The following KRT6C variants were observed in gnomAD, a reference collection of about 807,000 sequenced individuals.
KRT6C encodes keratin, type II cytoskeletal 6C.
KRT6C carries 46 observed loss-of-function variants against 49.4 expected under a neutral mutation model. The ratio of observed to expected loss-of-function variants is 0.93; its 90% CI spans 0.74 to 1.19. KRT6C has a LOEUF of 1.19. Among genes scored for constraint, KRT6C ranks in the 50% most tolerant of loss-of-function variants. The pLI is 0.00. For synonymous variants in KRT6C, 236 were observed against 297.1 expected (o/e 0.79, Z 2.12); for missense variants, 552 against 737.5 (o/e 0.75, Z 2.91).
intron 5 of KRT6C, 78 bp downstream of exon 5, chr12:52,471,054 C>G: frequency 6.2e-7 from 1 of 1,612,362 alleles, no homozygotes; most frequent in Non-Finnish European, 8.5e-7. Context: ...CAGGGGATGT[C>G]CCCAGTGAAG....
Position 52,470,514 on chromosome 12 carries a change from G to C in KRT6C, c.1194C>G (p.Val398=), listed in dbSNP as rs1441809132. 4 of 1,614,096 alleles carry C rather than the reference G, an allele frequency of 2.5e-6. No individual in the cohort carries two copies. Among genetic ancestry groups the C allele is most frequent in the Non-Finnish European group, 3.4e-6 (4 of 1,180,026 alleles). Residue 398 remains valine (V), a synonymous_variant, in exon 6 of 9, where the codon GTC becomes GTG. Coordinates refer to ENST00000252250, the MANE Select transcript of KRT6C (RefSeq NM_173086.5). ...CTGCACCTCACTGTACCTGCTTCTT[G>C]ACATGGTCGATCTCAGATCTCAGCC... ...IQRLRSEIDH[V]KKQCASLQAA...
At position 52,472,274 on chromosome 12, in the gene KRT6C, A is replaced by G. The variant is rs747804312; in HGVS notation, c.547T>C (p.Phe183Leu). The change falls in exon 2 of 9, where the codon TTC (phenylalanine) becomes CTC (leucine). Residue 183 changes from phenylalanine (F) to leucine (L), a missense_variant. Around this residue, in one of 3 missense-constraint regions of KRT6C, gnomAD observed 54 missense variants for 195.9 expected, o/e 0.28. Coordinates refer to ENST00000252250, the MANE Select transcript of KRT6C (RefSeq NM_173086.5). ...AGAACCTTGTTCTGCTGCTCTAGGAACCGCACCTGGAAGGGAAGCAAGATG... is the reference window on the plus strand; with the variant it reads ...AGAACCTTGTTCTGCTGCTCTAGGAGCCGCACCTGGAAGGGAAGCAAGATG... Reference protein sequence around the residue: ...KFASFIDKVRFLEQQNKVLDT... With the variant: ...KFASFIDKVRLLEQQNKVLDT... The G allele has an allele frequency of 7.1e-7, 1 of 1,411,060 alleles. No individual in the cohort carries two copies. The allele number at this position is 1,411,060 out of a possible 1,614,324, so 87.4% of individuals were successfully genotyped here. A position where few individuals can be genotyped will look rare whatever the true frequency, so the allele number is the denominator to read the frequency against.
Position 52,471,402 on chromosome 12 carries a change from G to A in KRT6C, c.912+19C>T, listed in dbSNP as rs1361692767. ...GCAGACCCCATCAGAGTAAACAGAA[G>A]GATGGTGGAGATGCTTACTGCATCA... is the stretch of plus-strand genomic sequence containing the variant. On this transcript the variant is annotated intron_variant, in intron 4 of 8. Transcript: ENST00000252250. The A allele has an allele frequency of 1.2e-6, 2 of 1,614,002 alleles. No individual in the cohort carries two copies. Among genetic ancestry groups the A allele is most frequent in the South Asian group, 1.1e-5 (1 of 91,060 alleles).
At position 52,471,612 on chromosome 12, in the gene KRT6C, G is replaced by A. The variant is rs1441457601; in HGVS notation, c.816+60C>T. ...TGCCAATTCTCTCCCAGGGGAGCGA[G>A]GACACAGAGCCACTTCTCTCCTTCT... On this transcript the variant is annotated intron_variant, in intron 3 of 8. Coordinates refer to ENST00000252250, the MANE Select transcript of KRT6C (RefSeq NM_173086.5). 29 of 1,520,120 alleles carry A rather than the reference G, an allele frequency of 1.9e-5. No individual in the cohort carries two copies. The Middle Eastern group carries it at 8.8e-4, about 46-fold the overall frequency. 94.2% of individuals were successfully genotyped at this position (1,520,120 alleles called of 1,614,324 possible).
chr12:52,473,733 G>A lies in KRT6C; in HGVS notation c.5C>T (p.Ala2Val), dbSNP rs1937936651. 1.2e-6 allele frequency: 2 copies of A among 1,614,076 alleles called. No homozygotes were observed. Among genetic ancestry groups the A allele is most frequent in the Non-Finnish European group, 8.5e-7 (1 of 1,180,044 alleles). Residue 2 changes from alanine to valine, a missense_variant, in exon 1 of 9, where the codon GCC (alanine) becomes GTC (valine). Physicochemically the swap from Ala to Val is moderately conservative, Grantham distance 64. This residue lies in a region of KRT6C where 73 missense variants were observed against 102.1 expected (regional missense o/e 0.71). Coordinates refer to ENST00000252250, the MANE Select transcript of KRT6C (RefSeq NM_173086.5). M[A>V]STSTTIRSHS... is the part of the protein sequence containing the mutation. ...GCTCCTGATGGTGGTGGATGTGCTG[G>A]CCATGGTTCCAGGAGATGAGAGGGC...
chr12:52,469,531 G>A, intron 7 of KRT6C, 86 bp from the exon 8 acceptor site: 6 of 1,613,018 alleles, frequency 3.7e-6, no homozygotes, highest in Non-Finnish European at 5.1e-6. Context: ...GGGTGGAAGA[G>A]TCCATGGGAA....
chr12:52,469,976 C>G, intron 6 of KRT6C, 86 bp from the exon 7 acceptor site: 2 of 1,453,022 alleles, frequency 1.4e-6, no homozygotes, highest in Non-Finnish European at 1.9e-6. Flanking sequence ...GGTCCTGTAA[C>G]CCAAAATTGA....
rs541854809 is a variant in KRT6C at position 52,473,620 on chromosome 12, G to C, written c.118C>G (p.Arg40Gly). Residue 40 changes from arginine to glycine, a missense_variant, in exon 1 of 9, where the codon CGC (arginine) becomes GGC (glycine). Transcript: ENST00000252250. ...CCCAGGCCACCACTGCCCCTGGAGC[G>C]GGACACGGAGATGCTGCTGAAGCCA... is the stretch of plus-strand genomic sequence containing the variant. ...RSGFSSISVSRSRGSGGLGGA... is the reference protein window; with the variant it reads ...RSGFSSISVSGSRGSGGLGGA... 6.2e-7 allele frequency: 1 copy of C among 1,609,824 alleles called. No homozygotes were observed. The highest frequency in any genetic ancestry group is 1.1e-5 in the South Asian group (1 of 90,844).
Position 52,472,362 on chromosome 12 carries a change from G to C in KRT6C, c.541-82C>G, listed in dbSNP as rs1937903652. On this transcript the variant is annotated intron_variant, in intron 1 of 8. Coordinates refer to ENST00000252250, the MANE Select transcript of KRT6C (RefSeq NM_173086.5). Reference sequence around the variant, plus strand: ...GGTATCCAGTTTCCTGGCAGGTCTTGGAGGTCCCCATGGTGCTGGGCTACT... The same window carrying C: ...GGTATCCAGTTTCCTGGCAGGTCTTCGAGGTCCCCATGGTGCTGGGCTACT... 68 of 1,214,154 alleles carry C rather than the reference G, an allele frequency of 5.6e-5. 18 individuals carry two copies. The highest frequency in any genetic ancestry group is 7.6e-5 in the Non-Finnish European group (65 of 853,162). 75.2% of individuals were successfully genotyped at this position (1,214,154 alleles called of 1,614,324 possible).
rs1296364605 is a variant in KRT6C, at chr12:52,471,012, G to A, written c.1077+120C>T. ...AATGTCTACTCTAATAGTGCAGAGT[G>A]CATGTCCTGTGAGAGGACCCCAGCT... On this transcript the variant is annotated intron_variant, in intron 5 of 8. Transcript: ENST00000252250. 4 of 1,505,976 alleles carry A rather than the reference G, an allele frequency of 2.7e-6. No individual in the cohort carries two copies. The East Asian group carries it at 6.8e-5, about 25-fold the overall frequency. The allele number at this position is 1,505,976 out of a possible 1,614,324, so 93.3% of individuals were successfully genotyped here. A position where few individuals can be genotyped will look rare whatever the true frequency, so the allele number is the denominator to read the frequency against.
At position 52,468,969 on chromosome 12, in the gene KRT6C, T is replaced by C; in HGVS notation, c.*93A>G. ...CTCTACCTCGGAGAGCAGGGAAGAC[T>C]AGAGGCCAGGAGAGGATAGGCAACC... On this transcript the variant is annotated 3_prime_UTR_variant, in exon 9 of 9. Coordinates refer to ENST00000252250, the MANE Select transcript of KRT6C (RefSeq NM_173086.5). 1 of 1,530,944 alleles carries C rather than the reference T, an allele frequency of 6.5e-7. No homozygotes were observed. The highest frequency in any genetic ancestry group is 9.0e-7 in the Non-Finnish European group (1 of 1,110,904). 94.8% of individuals were successfully genotyped at this position (1,530,944 alleles called of 1,614,324 possible). A position where few individuals can be genotyped will look rare whatever the true frequency, so the allele number is the denominator to read the frequency against.
At chr12:52,470,289 T>C (rs1415416757) in intron 6 of KRT6C, 3 of 772,026 alleles carry the variant, frequency 3.9e-6, no homozygotes, top group Non-Finnish European at 6.3e-6. Context: ...ACTTTTTACC[T>C]GACTGTTGAG....
In KRT6C at chr12:52,472,104, C is replaced by G. The variant is rs879239943; in HGVS notation, c.717G>C (p.Leu239=). ...CCTCCACCAGGTCCTGCATGTTTCT[C>G]AGCTCCGAGTCCAGGCGGCCCCGTT... ...VGERGRLDSE[L]RNMQDLVEDL... Residue 239 remains leucine, a synonymous_variant, in exon 2 of 9, where the codon CTG becomes CTC. Transcript: ENST00000252250. 2.5e-6 allele frequency: 4 copies of G among 1,599,502 alleles called. No individual in the cohort carries two copies. Among genetic ancestry groups the G allele is most frequent in the Non-Finnish European group, 3.4e-6 (4 of 1,174,538 alleles).
intron 1 of KRT6C, 53 bp downstream of exon 1, chr12:52,473,145 C>A: frequency 7.2e-7 from 1 of 1,382,786 alleles, no homozygotes; most frequent in Non-Finnish European, 1.0e-6. Context: ...AGGTGTTGCT[C>A]TTCTGGTCTG....
At chr12:52,470,181 G>A (rs1295012216) in intron 6 of KRT6C, 2 of 600,202 alleles carry the variant, frequency 3.3e-6, no homozygotes, top group East Asian at 2.9e-5. Flanking sequence ...GGTTTGTACT[G>A]AGTGCTGTTT....
In KRT6C at chr12:52,470,602, C is replaced by G; in HGVS notation, c.1106G>C (p.Arg369Thr). 1.2e-6 allele frequency: 2 copies of G among 1,614,064 alleles called. No individual in the cohort carries two copies. The highest frequency in any genetic ancestry group is 1.7e-6 in the Non-Finnish European group (2 of 1,180,014). Reference sequence around the variant, plus strand: ...GGTGTTGCGCAGGTCGTCCCCATGTCTGCCTGCTGTGACCTGCAGCTCCTC... The same window carrying G: ...GGTGTTGCGCAGGTCGTCCCCATGTGTGCCTGCTGTGACCTGCAGCTCCTC... ...KYEELQVTAG[R>T]HGDDLRNTKQ... is the part of the protein sequence containing the mutation. Residue 369 changes from arginine (R) to threonine (T), a missense_variant, in exon 6 of 9, where the codon AGA becomes ACA. Arg to Thr is a moderately conservative substitution (Grantham distance 71). Coordinates refer to ENST00000252250, the MANE Select transcript of KRT6C (RefSeq NM_173086.5).
chr12:52,469,024 G>C lies in KRT6C; in HGVS notation c.*38C>G, dbSNP rs1451981490. ...GAGACGGCTCTGCAGCCAGAGAAGG[G>C]CCTGAGGACTGTGGGACCGAGAGCT... On this transcript the variant is annotated 3_prime_UTR_variant, in exon 9 of 9. Transcript: ENST00000252250. The C allele has an allele frequency of 6.2e-7, 1 of 1,613,482 alleles. No individual in the cohort carries two copies. The highest frequency in any genetic ancestry group is 1.3e-5 in the African/African-American group (1 of 74,922).
At position 52,469,164 on chromosome 12, in the gene KRT6C, A is replaced by G. The variant is rs1216444570; in HGVS notation, c.1593T>C (p.Ser531=). ...LGIGGGFSSS[S]GRAIGGGLSS... ...TGAGGCCACCCCCAATGGCTCTGCC[A>G]CTGCTGGAACTGAAGCCACCTCCAA... The change falls in exon 9 of 9, where the codon AGT becomes AGC. Residue 531 remains serine, a synonymous_variant. Transcript: ENST00000252250. 6.8e-6 allele frequency: 11 copies of G among 1,613,978 alleles called. No individual in the cohort carries two copies. The highest frequency in any genetic ancestry group is 9.3e-6 in the Non-Finnish European group (11 of 1,179,872).
chr12:52,469,415 G>A lies in KRT6C; in HGVS notation c.1455C>T (p.Asn485=), dbSNP rs375986162. The stretch of plus-strand genomic sequence containing the variant: ...AAGGCAAGCAAAGGTACTTACAGAC[G>A]TTGACTTGTCCAACGCCTTCGCCAT... The part of the protein sequence containing the change: ...RLNGEGVGQV[N]VSVVQSTISS... Residue 485 remains asparagine, a synonymous_variant, in exon 8 of 9, where the codon AAC becomes AAT. Transcript: ENST00000252250. The A allele has an allele frequency of 1.5e-5, 24 of 1,613,870 alleles. No individual in the cohort carries two copies. Among genetic ancestry groups the A allele is most frequent in the Middle Eastern group, 1.6e-4 (1 of 6,080 alleles).
Sources: allele counts gnomAD v4.1 joint callset, GRCh38; gene constraint gnomAD v4.1.1; regional missense constraint gnomAD v4.1.1; transcripts MANE v1.5; gene names NCBI Gene and HGNC (gene_info 2026-07-23, HGNC 2026-07-21).